The following LUZP2 variants were observed in gnomAD, a reference collection of about 807,000 sequenced individuals.
LUZP2 encodes the protein leucine zipper protein 2.
Under a neutral mutation model 51.6 loss-of-function variants are expected in LUZP2, and 52 were observed. That is an observed-to-expected ratio of 1.01 (90% CI 0.81 to 1.27). The LOEUF is 1.27. LUZP2 is among the 50% of genes most tolerant of loss of function. The pLI is 0.00. For missense variants in LUZP2, 436 were observed against 395.4 expected (o/e 1.10, Z -0.87); for synonymous variants, 154 against 137.3 (o/e 1.12, Z -0.85).
At chr11:24,918,293 T>C (rs1033963237) in intron 7 of LUZP2, among the ~76,000 whole-genome samples, 1 of 152,140 alleles carries the variant, frequency 6.6e-6, no homozygotes, top group Admixed American at 6.6e-5. Flanking sequence ...AGGGATAATT[T>C]GACTTCTTCT....
intron 1 of LUZP2, among the ~76,000 whole-genome samples, chr11:24,613,307 T>G (rs2133890756): frequency 6.6e-6 from 1 of 151,838 alleles, no homozygotes; most frequent in South Asian, 2.1e-4. Flanking sequence ...TGCAGGTGTG[T>G]GTGTGGATGT....
intron 1 of LUZP2, among the ~76,000 whole-genome samples, chr11:24,674,245 C>A (rs2133855296): frequency 6.6e-6 from 1 of 152,254 alleles, no homozygotes; most frequent in South Asian, 2.1e-4. Flanking sequence ...GTCATGTGTC[C>A]AGGCTCTCTG....
chr11:24,566,141 GC>G, intron 1 of LUZP2, among the ~76,000 whole-genome samples: 1 of 151,626 alleles, frequency 6.6e-6, no homozygotes, highest in Middle Eastern at 3.5e-3. Context: ...TTTTCAAGGG[GC>G]CTAAATATTG....
intron 1 of LUZP2, among the ~76,000 whole-genome samples, chr11:24,560,127 TA>T (rs1333906024): frequency 6.6e-6 from 1 of 152,068 alleles, no homozygotes; most frequent in Non-Finnish European, 1.5e-5. Flanking sequence ...GTGGTATGAT[TA>T]AGGCTATGCA....
intron 1 of LUZP2, among the ~76,000 whole-genome samples, chr11:24,698,926 T>G (rs1857333941): frequency 6.6e-6 from 1 of 151,966 alleles, no homozygotes; most frequent in South Asian, 2.1e-4. Context: ...ATTGTGGTGG[T>G]GCACACCTGT....
chr11:24,619,277 T>A (rs1854410961), intron 1 of LUZP2, among the ~76,000 whole-genome samples: 1 of 152,090 alleles, frequency 6.6e-6, no homozygotes. Flanking sequence ...CACGCAATCC[T>A]CCTGCCTCAG....
intron 10 of LUZP2, among the ~76,000 whole-genome samples, chr11:25,058,303 G>GTT (rs150487788): frequency 1.5e-3 from 225 of 152,138 alleles, no homozygotes; most frequent in African/African-American, 5.1e-3. Context: ...ATCCAAACAT[G>GTT]TTAACCTAAT....
In LUZP2 at chr11:24,893,731, C is replaced by A. The variant is rs147810153; in HGVS notation, c.397-12260C>A. Among the ~76,000 whole-genome samples the A allele has an allele frequency of 3.8e-3, 566 of 150,678 alleles. 4 individuals are homozygous for A. Among genetic ancestry groups the A allele is most frequent in the African/African-American group, 0.013 (530 of 40,974 alleles). On this transcript the variant is annotated intron_variant, in intron 5 of 11. Transcript: ENST00000336930. Reference sequence around the variant, plus strand: ...GGCATATACTTTTTTCATTTCCATCCAATTTCATGCTGACACACAAACACA... The same window carrying A: ...GGCATATACTTTTTTCATTTCCATCAAATTTCATGCTGACACACAAACACA...
chr11:24,508,157 C>T (rs953360621), intron 1 of LUZP2, among the ~76,000 whole-genome samples: 1 of 151,932 alleles, frequency 6.6e-6, no homozygotes, highest in Non-Finnish European at 1.5e-5. Flanking sequence ...AACTGGTAAG[C>T]AGTGGAGTCT....
In LUZP2 at chr11:24,631,396, G is replaced by GT. The variant is rs201315098; in HGVS notation, c.63-97762dup. The stretch of plus-strand genomic sequence containing the variant: ...GTAGGTTCAGGTGTTTTTCTTTATT[G>GT]TTTTTTTTTTTCTTTTCTTTTCATA... On this transcript the variant is annotated intron_variant, in intron 1 of 11. Coordinates refer to ENST00000336930, the MANE Select transcript of LUZP2 (RefSeq NM_001009909.4). 2.2e-3 allele frequency among the ~76,000 whole-genome samples: 322 copies of GT among 144,604 alleles called. 1 individual carries two copies. The highest frequency in any genetic ancestry group is 0.012 in the South Asian group (55 of 4,618). The allele number at this position is 144,604 out of a possible 152,430, so 94.9% of individuals were successfully genotyped here. A position where few individuals can be genotyped will look rare whatever the true frequency, so the allele number is the denominator to read the frequency against.
chr11:24,933,559 C>G (rs1270310856), intron 7 of LUZP2, among the ~76,000 whole-genome samples: 1 of 152,154 alleles, frequency 6.6e-6, no homozygotes, highest in South Asian at 2.1e-4. Context: ...ATGATGCCTT[C>G]ATGCTTTAGT....
At chr11:24,837,949 G>C (rs1850907655) in intron 5 of LUZP2, among the ~76,000 whole-genome samples, 1 of 151,720 alleles carries the variant, frequency 6.6e-6, no homozygotes, top group South Asian at 2.1e-4. Context: ...ATGGTTGCAT[G>C]ATTATTCTCT....
At chr11:24,983,091 T>A (rs751355880) in intron 8 of LUZP2, 35 bp from the exon 9 acceptor site, 20 of 1,604,686 alleles carry the variant, frequency 1.2e-5, no homozygotes, top group Admixed American at 1.2e-4. Flanking sequence ...TGAGCATAGC[T>A]AAATGTAAAT....
chr11:24,779,229 A>T (rs944870329), intron 5 of LUZP2, among the ~76,000 whole-genome samples: 2 of 152,208 alleles, frequency 1.3e-5, no homozygotes, highest in Admixed American at 1.3e-4. Flanking sequence ...AAATATGCAC[A>T]TTCACAAAGT....
At chr11:24,648,134 G>A (rs910875015) in intron 1 of LUZP2, among the ~76,000 whole-genome samples, 9 of 151,876 alleles carry the variant, frequency 5.9e-5, no homozygotes, top group Non-Finnish European at 1.3e-4. Flanking sequence ...CTGTTTAAAT[G>A]CATATTATCT....
chr11:24,633,237 CA>C (rs1194270306), intron 1 of LUZP2, among the ~76,000 whole-genome samples: 1 of 151,800 alleles, frequency 6.6e-6, no homozygotes, highest in Non-Finnish European at 1.5e-5. Flanking sequence ...ATATTCCATC[CA>C]AAAACAATGA....
At chr11:24,623,888 A>T (rs1359593412) in intron 1 of LUZP2, among the ~76,000 whole-genome samples, 1 of 152,124 alleles carries the variant, frequency 6.6e-6, no homozygotes. Context: ...AATGTTCAAT[A>T]ACTACTTGTT....
chr11:24,665,882 T>C (rs138847313), intron 1 of LUZP2, among the ~76,000 whole-genome samples: 19 of 152,276 alleles, frequency 1.2e-4, no homozygotes, highest in African/African-American at 4.3e-4. Flanking sequence ...ACTAATACAA[T>C]AGTAATTCAT....
chr11:24,553,989 G>A (rs1238152837), intron 1 of LUZP2, among the ~76,000 whole-genome samples: 1 of 152,132 alleles, frequency 6.6e-6, no homozygotes, highest in East Asian at 1.9e-4. Flanking sequence ...CTACGTGAGG[G>A]CTGGGAAACG....
Sources: allele counts gnomAD v4.1 joint callset (sites outside exome capture counted in the v4.1 genomes callset), GRCh38; gene constraint gnomAD v4.1.1; transcripts MANE v1.5; gene names NCBI Gene and HGNC (gene_info 2026-07-23, HGNC 2026-07-21).